SUGCT: variants seen among roughly 807,000 people sequenced by gnomAD.
SUGCT encodes the protein succinyl-CoA:glutarate-CoA transferase, also known as succinyl-CoA:glutarate CoA-transferase.
A neutral mutation model predicts 55.0 loss-of-function variants in SUGCT; 41 were observed. That is an observed-to-expected ratio of 0.74 (90% CI 0.58 to 0.97). The LOEUF (loss-of-function observed/expected upper bound fraction) is 0.97. Ranked by LOEUF, SUGCT falls within the 50% of genes least tolerant of loss-of-function variation. The probability of loss-of-function intolerance (pLI) is 0.00; values close to 1 mark genes in which losing one functional copy is unlikely to be tolerated. For missense variants in SUGCT, 568 were observed against 547.8 expected (o/e 1.04, Z -0.37); for synonymous variants, 187 against 200.4 (o/e 0.93, Z 0.56).
At chr7:40,991,644 G>A in the SUGCT span, among the ~76,000 whole-genome samples, 5 of 152,108 alleles carry the variant, frequency 3.3e-5, no homozygotes, top group African/African-American at 9.7e-5. Flanking sequence ...AGGCCGGAGG[G>A]AATTTACTTC....
chr7:40,211,966 G>C (rs1584355009), intron 6 of SUGCT, among the ~76,000 whole-genome samples: 1 of 152,224 alleles, frequency 6.6e-6, no homozygotes, highest in Non-Finnish European at 1.5e-5. Context: ...AAGCTCAAAA[G>C]GGAACAAATA....
In SUGCT at chr7:40,800,371, C is replaced by T. The variant is rs1476513983; in HGVS notation, c.1153+50874C>T. Among the ~76,000 whole-genome samples the T allele has an allele frequency of 2.6e-5, 4 of 151,584 alleles. No homozygotes were observed. The South Asian group carries it at 8.3e-4, about 32-fold the overall frequency. On this transcript the variant is annotated intron_variant, in intron 13 of 13. Coordinates refer to ENST00000335693, the MANE Select transcript of SUGCT (RefSeq NM_001193313.2). The stretch of plus-strand genomic sequence containing the variant: ...TGGCGCAATCTCAGCTCACTGCAAC[C>T]TCCGCCTCCTGGGTTCAAGTGATTC...
chr7:40,192,969 GTTTT>G (rs1199959991), intron 5 of SUGCT, among the ~76,000 whole-genome samples: 1 of 138,016 alleles, frequency 7.2e-6, no homozygotes, highest in Non-Finnish European at 1.6e-5. Context: ...TTGTAGTAGT[GTTTT>G]TTTTTTTTTT....
At chr7:40,742,662 G>A (rs533575157) in intron 12 of SUGCT, among the ~76,000 whole-genome samples, 54 of 150,930 alleles carry the variant, frequency 3.6e-4, no homozygotes, top group Non-Finnish European at 5.9e-4. Context: ...CCCATACCAT[G>A]GACCATGGTA....
chr7:40,544,457 T>C (rs1794881660), intron 12 of SUGCT, among the ~76,000 whole-genome samples: 1 of 152,206 alleles, frequency 6.6e-6, no homozygotes, highest in Non-Finnish European at 1.5e-5. Flanking sequence ...GGACTTTCCA[T>C]GTGCATTTTA....
intron 12 of SUGCT, among the ~76,000 whole-genome samples, chr7:40,666,118 T>G (rs767914452): frequency 6.6e-5 from 10 of 151,810 alleles, no homozygotes; most frequent in Non-Finnish European, 1.5e-4. Flanking sequence ...CCCAGCACTT[T>G]GGGAGGCTGA....
chr7:40,653,367 G>A (rs1031709667), intron 12 of SUGCT, among the ~76,000 whole-genome samples: 2 of 152,182 alleles, frequency 1.3e-5, no homozygotes, highest in Admixed American at 6.5e-5. Context: ...ATCTCTTAAG[G>A]ACTTAATACC....
chr7:40,839,109 A>C (rs1235591795), intron 13 of SUGCT, among the ~76,000 whole-genome samples: 1 of 152,108 alleles, frequency 6.6e-6, no homozygotes, highest in East Asian at 1.9e-4. Context: ...AATAAATTCT[A>C]CTTGTTCATG....
intron 1 of SUGCT, among the ~76,000 whole-genome samples, chr7:40,169,140 C>G (rs186486761): frequency 2.1e-4 from 32 of 152,288 alleles, no homozygotes; most frequent in Admixed American, 2.0e-3. Flanking sequence ...TATATATTTA[C>G]CCTTTTTCCT....
chr7:40,137,866 G>A (rs1343169866), intron 1 of SUGCT, among the ~76,000 whole-genome samples: 2 of 152,054 alleles, frequency 1.3e-5, no homozygotes, highest in Non-Finnish European at 2.9e-5. Flanking sequence ...ATTTTTTGAA[G>A]ACATGGGGTT....
intron 7 of SUGCT, among the ~76,000 whole-genome samples, chr7:40,259,551 T>C (rs1405480033): frequency 6.6e-6 from 1 of 152,188 alleles, no homozygotes; most frequent in Non-Finnish European, 1.5e-5. Context: ...TTTCAAAATA[T>C]GTTGTACACA....
intron 12 of SUGCT, among the ~76,000 whole-genome samples, chr7:40,651,415 T>C: frequency 6.6e-6 from 1 of 152,182 alleles, no homozygotes; most frequent in East Asian, 1.9e-4. Flanking sequence ...GTTCATGTCC[T>C]TTGCCCACTT....
chr7:40,830,634 G>C (rs1045300119), intron 13 of SUGCT, among the ~76,000 whole-genome samples: 2 of 152,066 alleles, frequency 1.3e-5, no homozygotes, highest in African/African-American at 2.4e-5. Context: ...ATTTCTCCTT[G>C]GCTGGATTCA....
At chr7:40,683,906 C>G (rs534594837) in intron 12 of SUGCT, 1 of 1,126,902 alleles carries the variant, frequency 8.9e-7, no homozygotes, top group Admixed American at 2.5e-5. Flanking sequence ...ATAGGTCTCA[C>G]CAGGCTAAAA....
intron 9 of SUGCT, among the ~76,000 whole-genome samples, chr7:40,409,705 A>T (rs1161650714): frequency 3.3e-4 from 47 of 142,248 alleles, no homozygotes; most frequent in Middle Eastern, 7.4e-3. Context: ...ATTTTGGATA[A>T]TTTTTTTTTT....
At chr7:40,935,193 G>A in the SUGCT span, among the ~76,000 whole-genome samples, 2 of 152,062 alleles carry the variant, frequency 1.3e-5, no homozygotes, top group Non-Finnish European at 2.9e-5. Flanking sequence ...ACTAGCTTCA[G>A]GTATTTTCAT....
At chr7:40,619,068 A>G (rs1220963653) in intron 12 of SUGCT, among the ~76,000 whole-genome samples, 1 of 152,180 alleles carries the variant, frequency 6.6e-6, no homozygotes, top group African/African-American at 2.4e-5. Context: ...CACTCTGGCC[A>G]GGAATACTAT....
At chr7:40,755,172 A>T (rs995617020) in intron 13 of SUGCT, among the ~76,000 whole-genome samples, 2 of 152,178 alleles carry the variant, frequency 1.3e-5, no homozygotes, top group African/African-American at 4.8e-5. Flanking sequence ...AAAGATATCT[A>T]TGCTGGGGTC....
chr7:40,229,998 A>G (rs1490393544), intron 6 of SUGCT, among the ~76,000 whole-genome samples: 1 of 152,164 alleles, frequency 6.6e-6, no homozygotes, highest in Non-Finnish European at 1.5e-5. Flanking sequence ...TAAACAGTCT[A>G]TTGTTGGAGT....
Sources: allele counts gnomAD v4.1 joint callset (sites outside exome capture counted in the v4.1 genomes callset), GRCh38; gene constraint gnomAD v4.1.1; transcripts MANE v1.5; gene names NCBI Gene and HGNC (gene_info 2026-07-23, HGNC 2026-07-21).